LRP2: variants seen among roughly 807,000 people sequenced by gnomAD.
LRP2 encodes the protein LDL receptor related protein 2.
In LRP2, 172 loss-of-function variants were observed where a neutral mutation model predicts 531.0. The ratio of observed to expected loss-of-function variants is 0.32; its 90% CI spans 0.29 to 0.37. The LOEUF (loss-of-function observed/expected upper bound fraction) is 0.37. Ranked by LOEUF, LRP2 falls within the 10% of genes least tolerant of loss-of-function variation. The pLI is 1.00. For synonymous variants in LRP2, 1,992 were observed against 2,027.6 expected (o/e 0.98, Z 0.47); for missense variants, 5,167 against 5,868.3 (o/e 0.88, Z 3.90).
chr2:169,256,017 G>T, intron 19 of LRP2, 89 bp downstream of exon 19: 2 of 1,403,496 alleles, frequency 1.4e-6, no homozygotes, highest in Non-Finnish European at 1.0e-6. Context: ...GCTTTTCTGG[G>T]ATTGTGAAAA....
intron 31 of LRP2, among the ~76,000 whole-genome samples, chr2:169,228,478 G>T (rs116429609): frequency 0.011 from 1,601 of 152,146 alleles, 30 homozygotes; most frequent in African/African-American, 0.037. Flanking sequence ...ACTCACTTAC[G>T]TAAGATCTGA....
At position 169,173,194 on chromosome 2, in the gene LRP2, G is replaced by C. The variant is rs774909216; in HGVS notation, c.11045C>G (p.Thr3682Arg). 1.5e-5 allele frequency: 24 copies of C among 1,614,082 alleles called. No homozygotes were observed. In the Admixed American group the frequency reaches 3.8e-4, roughly 26 times the overall value. ...GTAATTTGTTTTGCAGCTGAATTCT[G>C]TGAAGTTGTCACAGAGATGGGCAGA... Reference protein sequence around the residue: ...MSSAHLCDNFTEFSCKTNYRC... With the variant: ...MSSAHLCDNFREFSCKTNYRC... Residue 3682 changes from threonine (T) to arginine (R), a missense_variant, in exon 57 of 79, where the codon ACA becomes AGA. By Grantham distance (71) the Thr-to-Arg change is moderately conservative (BLOSUM62 -1). Coordinates refer to ENST00000649046, the MANE Select transcript of LRP2 (RefSeq NM_004525.3).
chr2:169,158,923 T>A (rs1230773296), intron 63 of LRP2, among the ~76,000 whole-genome samples: 1 of 152,062 alleles, frequency 6.6e-6, no homozygotes, highest in Non-Finnish European at 1.5e-5. Context: ...ATCCAGATGT[T>A]CCAAGACAGA....
In LRP2 at chr2:169,185,891, T is replaced by C. The variant is rs759758192; in HGVS notation, c.9457A>G (p.Ile3153Val). ...LMSDKRTCVD[I>V]DECTEMPFVC... ...AAAGGCATCTCTGTGCATTCATCAA[T>C]ATCAACACAAGTCCGCTTGTCAGAC... The change falls in exon 50 of 79, where the codon ATT (isoleucine) becomes GTT (valine). Residue 3153 changes from isoleucine to valine, a missense_variant. Transcript: ENST00000649046. The C allele has an allele frequency of 3.7e-6, 6 of 1,613,790 alleles. No homozygotes were observed. Among genetic ancestry groups the C allele is most frequent in the South Asian group, 2.2e-5 (2 of 91,062 alleles).
chr2:169,205,615 C>T lies in LRP2; in HGVS notation c.7579G>A (p.Asp2527Asn). 1 of 1,613,818 alleles carries T rather than the reference C, an allele frequency of 6.2e-7. No individual in the cohort carries two copies. Among genetic ancestry groups the T allele is most frequent in the Non-Finnish European group, 8.5e-7 (1 of 1,179,934 alleles). The change falls in exon 41 of 79, where the codon GAT becomes AAT. Residue 2527 changes from aspartate (D) to asparagine (N), a missense_variant. Around this residue, in one of 6 missense-constraint regions of LRP2, gnomAD observed 1,129 missense variants for 1,362.7 expected, o/e 0.83. Coordinates refer to ENST00000649046, the MANE Select transcript of LRP2 (RefSeq NM_004525.3). ...GCTCTCTCGATTTTGGCATGTGTAT[C>T]CCAGTCAGCCCAGTACAGGTACCTA... Reference protein sequence around the residue: ...CQGYLYWADWDTHAKIERATL... With the variant: ...CQGYLYWADWNTHAKIERATL...
At chr2:169,294,518 G>T in intron 5 of LRP2, 82 bp downstream of exon 5, 1 of 1,015,356 alleles carries the variant, frequency 9.8e-7, no homozygotes, top group East Asian at 2.4e-5. Flanking sequence ...CTGAACTTGG[G>T]AAGAGATGTA....
At chr2:169,333,633 A>G (rs918794671) in intron 1 of LRP2, among the ~76,000 whole-genome samples, 1 of 152,200 alleles carries the variant, frequency 6.6e-6, no homozygotes, top group Admixed American at 6.5e-5. Flanking sequence ...TAATTTCCCT[A>G]TAGAGAAACA....
In LRP2 at chr2:169,142,786, G is replaced by A. The variant is rs767104468; in HGVS notation, c.12996C>T (p.Asn4332=). ...GGTGGCTGCAGATCTGTTTGCAAAG[G>A]TTGGGCACTGGAAAGCGGGTGAGAA... ...HQLRYNKSVP[N]LCKQICSHLC... Residue 4332 remains asparagine (N), a synonymous_variant, in exon 71 of 79, where the codon AAC becomes AAT. Transcript: ENST00000649046. 1 of 1,614,028 alleles carries A rather than the reference G, an allele frequency of 6.2e-7. No individual in the cohort carries two copies. The highest frequency in any genetic ancestry group is 8.5e-7 in the Non-Finnish European group (1 of 1,179,918).
intron 4 of LRP2, 76 bp from the exon 5 acceptor site, chr2:169,294,786 T>A (rs1684094511): frequency 1.1e-6 from 1 of 902,088 alleles, no homozygotes; most frequent in Non-Finnish European, 1.8e-6. Context: ...TCAGCAAACA[T>A]TTATTGAGTG....
At chr2:169,238,342 G>A (rs1689681660) in intron 26 of LRP2, 40 bp from the exon 27 acceptor site, 14 of 1,349,038 alleles carry the variant, frequency 1.0e-5, no homozygotes, top group Non-Finnish European at 1.5e-5. Context: ...ATGATACTGG[G>A]AGAAAACACA....
intron 63 of LRP2, among the ~76,000 whole-genome samples, chr2:169,157,957 T>TAAAAAAAAAAAA (rs60891675): frequency 1.4e-5 from 2 of 146,072 alleles, no homozygotes; most frequent in South Asian, 4.3e-4. Context: ...AATAAATAAA[T>TAAAAAAAAAAAA]AAAAGACATG....
intron 13 of LRP2, 98 bp from the exon 14 acceptor site, chr2:169,275,336 T>C (rs892565484): frequency 3.4e-6 from 3 of 889,502 alleles, no homozygotes; most frequent in African/African-American, 1.7e-5. Flanking sequence ...AAAAGCTAAA[T>C]AATTTCTTGT....
At chr2:169,144,662 T>C (rs1685845204) in intron 70 of LRP2, among the ~76,000 whole-genome samples, 2 of 152,194 alleles carry the variant, frequency 1.3e-5, no homozygotes. Flanking sequence ...GTTTTGGTGA[T>C]ATACTTCCAA....
intron 9 of LRP2, among the ~76,000 whole-genome samples, chr2:169,286,795 G>A (rs1683870617): frequency 6.6e-6 from 1 of 152,198 alleles, no homozygotes; most frequent in South Asian, 2.1e-4. Context: ...AGTTTCAACT[G>A]TAAGACAGCT....
At chr2:169,130,633 C>G (rs1362665563) in intron 77 of LRP2, among the ~76,000 whole-genome samples, 4 of 152,144 alleles carry the variant, frequency 2.6e-5, no homozygotes, top group Admixed American at 2.6e-4. Flanking sequence ...ATGAAAGATA[C>G]ATTTGTGGGA....
In LRP2 at chr2:169,258,958, C is replaced by A; in HGVS notation, c.2513+67G>T. The A allele has an allele frequency of 3.7e-6, 5 of 1,334,244 alleles. No homozygotes were observed. The South Asian group carries it at 4.7e-5, about 13-fold the overall frequency. The allele number at this position is 1,334,244 out of a possible 1,614,324, so 82.7% of individuals were successfully genotyped here. On this transcript the variant is annotated intron_variant, in intron 17 of 78. Transcript: ENST00000649046. ...GCTGAACTTACCTAAATCCCTAGGG[C>A]ATCACTTTTCAATGACTGTAAAAGA...
rs1690430352 is a variant in LRP2, at chr2:169,259,111, A to T, written c.2427T>A (p.Ser809Arg). ...TCGTTTTATCAGCTAGCCTCATGAC[A>T]CTGATACTCTTGTAATGAGAGTCTG... The part of the protein sequence containing the change: ...YWTDSHYKSI[S>R]VMRLADKTRR... The change falls in exon 17 of 79, where the codon AGT (serine) becomes AGA (arginine). Residue 809 changes from serine (S) to arginine (R), a missense_variant. Ser to Arg is a moderately radical substitution (Grantham distance 110, BLOSUM62 -1). Coordinates refer to ENST00000649046, the MANE Select transcript of LRP2 (RefSeq NM_004525.3). 2.5e-6 allele frequency: 4 copies of T among 1,612,834 alleles called. No homozygotes were observed. Among genetic ancestry groups the T allele is most frequent in the Non-Finnish European group, 3.4e-6 (4 of 1,179,056 alleles).
rs770184051 is a variant in LRP2 at position 169,185,583 on chromosome 2, A to T, written c.9765T>A (p.Phe3255Leu). ...TTGTCTCCTTGTTTGTCTTATTCAG[A>T]AACATTCTCTCAATGACTTGCCTCT... ...DTQRQVIERM[F>L]LNKTNKETII... is the part of the protein sequence containing the mutation. Residue 3255 changes from phenylalanine (F) to leucine (L), a missense_variant, in exon 50 of 79, where the codon TTT becomes TTA. Transcript: ENST00000649046. The T allele has an allele frequency of 6.8e-6, 11 of 1,614,106 alleles. No individual in the cohort carries two copies. Among genetic ancestry groups the T allele is most frequent in the Non-Finnish European group, 9.3e-6 (11 of 1,180,016 alleles).
At chr2:169,182,115 G>A (rs2105295740) in intron 51 of LRP2, 52 bp downstream of exon 51, 9 of 1,607,866 alleles carry the variant, frequency 5.6e-6, no homozygotes, top group Non-Finnish European at 6.8e-6. Context: ...CTCGGTAACA[G>A]AGGCAGAAGA....
Sources: gnomAD v4.1 joint callset for allele counts (sites outside exome capture counted in the v4.1 genomes callset) on GRCh38, gnomAD v4.1.1 for gene constraint, gnomAD v4.1.1 regional missense constraint, MANE v1.5 for transcripts, NCBI Gene and HGNC (gene_info 2026-07-23, HGNC 2026-07-21) for gene names.